The following NRG3 variants were observed in gnomAD, a reference collection of about 807,000 sequenced individuals.
The protein encoded by NRG3 is pro-neuregulin-3, membrane-bound isoform.
Under a neutral mutation model 66.9 loss-of-function variants are expected in NRG3, and 31 were observed. The observed-to-expected ratio is 0.46, with a 90% CI of 0.35 to 0.63. The LOEUF (loss-of-function observed/expected upper bound fraction) is 0.63. Ranked by LOEUF, NRG3 falls within the 20% of genes least tolerant of loss-of-function variation. NRG3 has a pLI of 0.00. For synonymous variants in NRG3, 393 were observed against 359.4 expected, an observed-to-expected ratio of 1.09 and a Z score of -1.06; for missense variants, 910 against 878.9, an observed-to-expected ratio of 1.04 and a Z score of -0.45.
chr10:82,978,619 G>C (rs187258783), intron 7 of NRG3, among the ~76,000 whole-genome samples: 479 of 152,278 alleles, frequency 3.1e-3, no homozygotes, highest in African/African-American at 0.011. Flanking sequence ...GGATAATCAG[G>C]ATGGATGGGA....
intron 1 of NRG3, among the ~76,000 whole-genome samples, chr10:82,203,543 A>G (rs949042524): frequency 2.6e-5 from 4 of 152,200 alleles, no homozygotes; most frequent in African/African-American, 9.6e-5. Context: ...CATAAAGACT[A>G]GGCTTAGAAA....
At chr10:82,208,918 T>C (rs568637933) in intron 1 of NRG3, among the ~76,000 whole-genome samples, 8 of 152,122 alleles carry the variant, frequency 5.3e-5, no homozygotes, top group Non-Finnish European at 1.0e-4. Context: ...CAGGAACATA[T>C]GGTCCATGTT....
chr10:82,849,516 G>T (rs182604087), intron 3 of NRG3, among the ~76,000 whole-genome samples: 2 of 152,174 alleles, frequency 1.3e-5, no homozygotes, highest in South Asian at 2.1e-4. Flanking sequence ...GAGAGACATG[G>T]TTATTCTTTA....
chr10:82,417,472 G>A (rs567554595), intron 2 of NRG3, among the ~76,000 whole-genome samples: 1 of 152,192 alleles, frequency 6.6e-6, no homozygotes, highest in Admixed American at 6.5e-5. Context: ...TAATGGTAGG[G>A]ACTGTAGGGC....
chr10:82,939,957 C>T (rs915413026), intron 4 of NRG3, among the ~76,000 whole-genome samples: 3 of 151,710 alleles, frequency 2.0e-5, no homozygotes, highest in African/African-American at 7.3e-5. Context: ...CTATTGAGTT[C>T]ACCAGAGGCT....
At chr10:82,017,749 G>T (rs970177436) in intron 1 of NRG3, among the ~76,000 whole-genome samples, 6 of 152,184 alleles carry the variant, frequency 3.9e-5, no homozygotes, top group Non-Finnish European at 5.9e-5. Context: ...TTTGAGAAGT[G>T]TCTGTTCATA....
At chr10:82,573,033 T>C (rs1046238565) in intron 2 of NRG3, among the ~76,000 whole-genome samples, 1 of 151,796 alleles carries the variant, frequency 6.6e-6, no homozygotes, top group African/African-American at 2.4e-5. Flanking sequence ...GAATATGGCA[T>C]AGACTAGCAG....
chr10:81,971,552 A>C (rs1365948931), intron 1 of NRG3, among the ~76,000 whole-genome samples: 1 of 152,246 alleles, frequency 6.6e-6, no homozygotes, highest in African/African-American at 2.4e-5. Flanking sequence ...ACAGCAAAAA[A>C]GTAATAAATG....
intron 1 of NRG3, among the ~76,000 whole-genome samples, chr10:82,333,561 T>A (rs1232380123): frequency 6.6e-6 from 1 of 152,250 alleles, no homozygotes; most frequent in Non-Finnish European, 1.5e-5. Flanking sequence ...CCTTGTAGTA[T>A]GTCTTGTCAC....
intron 1 of NRG3, among the ~76,000 whole-genome samples, chr10:82,117,582 A>G (rs1477795575): frequency 6.6e-6 from 1 of 152,090 alleles, no homozygotes; most frequent in Non-Finnish European, 1.5e-5. Context: ...ACCCTGAGAC[A>G]TAGTTTTTTT....
chr10:82,962,169 C>T (rs1203117072), intron 6 of NRG3, among the ~76,000 whole-genome samples: 1 of 152,170 alleles, frequency 6.6e-6, no homozygotes, highest in African/African-American at 2.4e-5. Flanking sequence ...CCCTGAGAAG[C>T]ATCTAGTCCC....
chr10:82,213,282 A>G (rs1415524410), intron 1 of NRG3, among the ~76,000 whole-genome samples: 2 of 152,194 alleles, frequency 1.3e-5, no homozygotes, highest in East Asian at 3.8e-4. Flanking sequence ...GAAAATCTAA[A>G]TCTGAAATTT....
chr10:82,223,642 AACACACACACACACACACAC>A (rs398014296), intron 1 of NRG3, among the ~76,000 whole-genome samples: 1 of 137,926 alleles, frequency 7.3e-6, no homozygotes, highest in African/African-American at 2.8e-5. Context: ...AACCACCCCA[AACACACACACACACACACAC>A]ACACACACAC....
intron 1 of NRG3, among the ~76,000 whole-genome samples, chr10:82,293,955 C>T (rs943244386): frequency 6.6e-6 from 1 of 151,894 alleles, no homozygotes; most frequent in Non-Finnish European, 1.5e-5. Flanking sequence ...TCTTGACTTC[C>T]TCTCTCTTGT....
At chr10:82,312,576 G>A (rs1411688959) in intron 1 of NRG3, among the ~76,000 whole-genome samples, 1 of 152,210 alleles carries the variant, frequency 6.6e-6, no homozygotes, top group Non-Finnish European at 1.5e-5. Context: ...ACACCAAATT[G>A]TAAATGTTGG....
At chr10:82,859,484 A>C (rs946078218) in intron 3 of NRG3, among the ~76,000 whole-genome samples, 3 of 152,106 alleles carry the variant, frequency 2.0e-5, no homozygotes, top group Middle Eastern at 3.2e-3. Flanking sequence ...TGGCATCCTG[A>C]GATTGGAATC....
intron 2 of NRG3, among the ~76,000 whole-genome samples, chr10:82,573,499 T>A (rs775894096): frequency 6.6e-6 from 1 of 151,864 alleles, no homozygotes; most frequent in Non-Finnish European, 1.5e-5. Flanking sequence ...AAGATTTCAT[T>A]TGGAACCCCT....
chr10:82,297,703 ATAT>A (rs556076039), intron 1 of NRG3, among the ~76,000 whole-genome samples: 320 of 152,158 alleles, frequency 2.1e-3, no homozygotes, highest in African/African-American at 7.4e-3. Flanking sequence ...TTATTATAAC[ATAT>A]TATAAATAAT....
chr10:82,362,054 G>A lies in NRG3; in HGVS notation c.953+3186G>A, dbSNP rs551448244. ...TAAGAACACAATTACCAAACTATTC[G>A]TGATAGAAATCCTGAAAGTACATGC... On this transcript the variant is annotated intron_variant, in intron 2 of 8. Transcript: ENST00000372141. 7.7e-5 allele frequency among the ~76,000 whole-genome samples: 7 copies of A among 91,364 alleles called. No individual in the cohort carries two copies. In the South Asian group the frequency reaches 1.1e-3, roughly 15 times the overall value. The allele number at this position is 91,364 out of a possible 152,430, so 59.9% of individuals were successfully genotyped here.
Sources: allele counts gnomAD v4.1 joint callset (sites outside exome capture counted in the v4.1 genomes callset), GRCh38; gene constraint gnomAD v4.1.1; transcripts MANE v1.5; gene names NCBI Gene and HGNC (gene_info 2026-07-23, HGNC 2026-07-21).